The following ATOSA variants were observed in gnomAD, a reference collection of about 807,000 sequenced individuals.
ATOSA encodes the protein atos homolog protein A.
At chr15:52,631,830 T>C in the ATOSA span, among the ~76,000 whole-genome samples, 1 of 152,224 alleles carries the variant, frequency 6.6e-6, no homozygotes, top group Admixed American at 6.5e-5. Context: ...CTCAAACTCC[T>C]GGACTCAAGT....
At chr15:52,662,212 GAGA>G in the ATOSA span, among the ~76,000 whole-genome samples, 6 of 152,060 alleles carry the variant, frequency 3.9e-5, no homozygotes, top group African/African-American at 9.7e-5. Context: ...TGGTTGGAGA[GAGA>G]AGAAGATACA....
At chr15:52,708,501 T>C in the ATOSA span, among the ~76,000 whole-genome samples, 1 of 152,310 alleles carries the variant, frequency 6.6e-6, no homozygotes, top group Admixed American at 6.5e-5. Flanking sequence ...GGGTGGTTTT[T>C]GAATCAAGGT....
chr15:52,618,399 G>A, the ATOSA span, among the ~76,000 whole-genome samples: 1 of 151,970 alleles, frequency 6.6e-6, no homozygotes, highest in Non-Finnish European at 1.5e-5. Flanking sequence ...CACTACCACT[G>A]TACATATCCT....
the ATOSA span, among the ~76,000 whole-genome samples, chr15:52,648,215 C>T: frequency 6.6e-6 from 1 of 152,192 alleles, no homozygotes; most frequent in East Asian, 1.9e-4. Flanking sequence ...CCACAATCAT[C>T]CTAAAATCTC....
chr15:52,687,660 A>G, the ATOSA span, among the ~76,000 whole-genome samples: 30 of 152,370 alleles, frequency 2.0e-4, no homozygotes, highest in African/African-American at 7.0e-4. Context: ...GAACATATCA[A>G]GATGCCATTT....
the ATOSA span, among the ~76,000 whole-genome samples, chr15:52,621,643 T>C: frequency 2.0e-5 from 3 of 152,066 alleles, no homozygotes; most frequent in Admixed American, 6.6e-5. Flanking sequence ...TCTCATGAGA[T>C]CTGATGGTTT....
At chr15:52,598,534 T>C in the ATOSA span, 1 of 152,194 alleles carries the variant, frequency 6.6e-6, no homozygotes, top group African/African-American at 2.4e-5. Context: ...CCATCTTTTA[T>C]TGCACAGAAT....
At chr15:52,611,730 C>A in the ATOSA span, 1 of 1,614,000 alleles carries the variant, frequency 6.2e-7, no homozygotes, top group South Asian at 1.1e-5. Context: ...GAAGGTTATT[C>A]TTCCACAACA....
chr15:52,662,624 G>A, the ATOSA span, among the ~76,000 whole-genome samples: 1 of 151,546 alleles, frequency 6.6e-6, no homozygotes, highest in Non-Finnish European at 1.5e-5. Context: ...CAAAAAATTA[G>A]CAGGGCACGG....
At chr15:52,706,431 T>G in the ATOSA span, among the ~76,000 whole-genome samples, 3 of 152,220 alleles carry the variant, frequency 2.0e-5, no homozygotes, top group Admixed American at 6.5e-5. Flanking sequence ...TCAGAAATTA[T>G]TTAATATGTA....
At chr15:52,615,528 CA>C in the ATOSA span, among the ~76,000 whole-genome samples, 4 of 152,104 alleles carry the variant, frequency 2.6e-5, no homozygotes, top group Admixed American at 6.5e-5. Context: ...TAAAAACAAA[CA>C]GAACCATGCA....
At chr15:52,640,637 C>T in the ATOSA span, among the ~76,000 whole-genome samples, 2 of 29,282 alleles carry the variant, frequency 6.8e-5, no homozygotes, top group East Asian at 0.071. Context: ...ATGTAGACTA[C>T]GTACATTTAA....
At chr15:52,694,138 G>C in the ATOSA span, among the ~76,000 whole-genome samples, 1 of 147,738 alleles carries the variant, frequency 6.8e-6, no homozygotes, top group Non-Finnish European at 1.5e-5. Flanking sequence ...GTGTGTGTGC[G>C]TGTGTGTGTG....
the ATOSA span, chr15:52,611,882 T>A: frequency 8.7e-6 from 9 of 1,033,564 alleles, no homozygotes; most frequent in African/African-American, 1.4e-4. Context: ...GAGAAATGAG[T>A]CAGCTATTGC....
the ATOSA span, among the ~76,000 whole-genome samples, chr15:52,617,058 T>A: frequency 1.3e-5 from 2 of 152,212 alleles, no homozygotes; most frequent in African/African-American, 4.8e-5. Flanking sequence ...TGCTAGTCTA[T>A]AAATGAGAAT....
chr15:52,694,698 C>T, the ATOSA span, among the ~76,000 whole-genome samples: 337 of 151,996 alleles, frequency 2.2e-3, 1 homozygote, highest in African/African-American at 7.7e-3. Flanking sequence ...TTTGACCTCA[C>T]GCCCTATTAT....
chr15:52,600,058 A>ATT, the ATOSA span: 1 of 678,246 alleles, frequency 1.5e-6, no homozygotes, highest in Non-Finnish European at 2.5e-6. Flanking sequence ...AGTTAAAGAC[A>ATT]TATAAAATGA....
the ATOSA span, among the ~76,000 whole-genome samples, chr15:52,702,779 CAAAA>C: frequency 2.2e-5 from 2 of 91,908 alleles, no homozygotes; most frequent in Non-Finnish European, 4.4e-5. Context: ...AAAGTGTTTC[CAAAA>C]AAAAAAAAAA....
the ATOSA span, chr15:52,609,233 G>A: frequency 2.5e-6 from 4 of 1,612,148 alleles, no homozygotes; most frequent in South Asian, 2.2e-5. Context: ...CATTTATTAG[G>A]TACTAAGTTT....
Sources: gnomAD v4.1 joint callset for allele counts (sites outside exome capture counted in the v4.1 genomes callset) on GRCh38, gnomAD v4.1.1 for gene constraint, MANE v1.5 for transcripts, NCBI Gene and HGNC (gene_info 2026-07-23, HGNC 2026-07-21) for gene names.